DNAH12: variants seen among roughly 807,000 people sequenced by gnomAD.
DNAH12 encodes the protein dynein axonemal heavy chain 12, also known as axonemal beta dynein heavy chain 12.
Under a neutral mutation model 371.5 loss-of-function variants are expected in DNAH12, and 285 were observed. The observed-to-expected ratio is 0.77, with a 90% CI of 0.70 to 0.85. The LOEUF (loss-of-function observed/expected upper bound fraction) is 0.85, where lower values mean the gene tolerates loss of function less well. Among genes scored for constraint, DNAH12 ranks in the 40% least tolerant of loss-of-function variants. The probability of loss-of-function intolerance (pLI) is 0.00; values close to 1 mark genes in which losing one functional copy is unlikely to be tolerated. For missense variants in DNAH12, 3,611 were observed against 3,689.4 expected, an observed-to-expected ratio of 0.98 and a Z score of 0.55; for synonymous variants, 1,200 against 1,213.0, an observed-to-expected ratio of 0.99 and a Z score of 0.22.
rs573115774 is a variant in DNAH12, at chr3:57,455,176, T to C, written c.3337-282A>G. On this transcript the variant is annotated intron_variant, in intron 22 of 73. Transcript: ENST00000495027. ...CTGGAAGTTGATTTCTGTGTGATTTTTATGTTCCTTTGCTGTGGAGAGTTG... is the reference window on the plus strand; with the variant it reads ...CTGGAAGTTGATTTCTGTGTGATTTCTATGTTCCTTTGCTGTGGAGAGTTG... Among the ~76,000 whole-genome samples the C allele has an allele frequency of 2.0e-5, 3 of 152,202 alleles. No homozygotes were observed. The South Asian group carries it at 6.2e-4, about 32-fold the overall frequency.
At chr3:57,390,624 A>G (rs2063604051) in intron 45 of DNAH12, among the ~76,000 whole-genome samples, 2 of 150,708 alleles carry the variant, frequency 1.3e-5, no homozygotes, top group Non-Finnish European at 3.0e-5. Flanking sequence ...TCCACATTCT[A>G]TTGGGCATAA....
At chr3:57,435,373 C>CAAAAAAAAAAAAAA (rs34515598) in intron 30 of DNAH12, among the ~76,000 whole-genome samples, 11 of 94,742 alleles carry the variant, frequency 1.2e-4, no homozygotes, top group South Asian at 3.7e-4. Flanking sequence ...CTCTGTCTCC[C>CAAAAAAAAAAAAAA]AAAAAAAAAA....
chr3:57,447,638 G>C (rs933995986), intron 25 of DNAH12, among the ~76,000 whole-genome samples: 1 of 151,906 alleles, frequency 6.6e-6, no homozygotes, highest in Non-Finnish European at 1.5e-5. Flanking sequence ...AAGAGAGACA[G>C]CTAGTGTAAA....
intron 4 of DNAH12, 52 bp from the exon 5 acceptor site, chr3:57,511,031 G>GT (rs1575709587): frequency 7.2e-6 from 10 of 1,386,964 alleles, no homozygotes; most frequent in Non-Finnish European, 9.7e-6. Flanking sequence ...TCATTTCAGT[G>GT]TAACTCCTGA....
chr3:57,520,152 G>T (rs1388750919), intron 4 of DNAH12: 2 of 411,044 alleles, frequency 4.9e-6, no homozygotes, highest in East Asian at 1.0e-4. Flanking sequence ...CGCTCTTGTC[G>T]CCCAGACTGG....
intron 38 of DNAH12, 141 bp from the exon 39 acceptor site, chr3:57,414,053 G>T: frequency 7.7e-6 from 6 of 783,200 alleles, no homozygotes; most frequent in South Asian, 2.0e-5. Context: ...ATTACTATTT[G>T]CTTAATTTAT....
At chr3:57,426,983 T>A (rs970338576) in intron 34 of DNAH12, among the ~76,000 whole-genome samples, 1 of 152,170 alleles carries the variant, frequency 6.6e-6, no homozygotes, top group African/African-American at 2.4e-5. Context: ...GTCTATTTTC[T>A]CTATGAAGAC....
intron 60 of DNAH12, among the ~76,000 whole-genome samples, chr3:57,339,882 C>T (rs1306026161): frequency 6.6e-6 from 1 of 152,070 alleles, no homozygotes; most frequent in Admixed American, 6.6e-5. Context: ...CCAACCTGGG[C>T]AACATGGCAA....
chr3:57,542,932 A>G, intron 1 of DNAH12, 29 bp from the exon 2 acceptor site: 2 of 1,458,490 alleles, frequency 1.4e-6, no homozygotes, highest in South Asian at 1.6e-5. Context: ...TAAAGCCATT[A>G]TTATGTCAGC....
In DNAH12 at chr3:57,508,531, A is replaced by ATC; in HGVS notation, c.550_551dup (p.Asp184GlufsTer29). On this transcript the variant is annotated frameshift_variant, in exon 7 of 74. Coordinates refer to ENST00000495027, the MANE Select transcript of DNAH12 (RefSeq NM_001366028.2). LOFTEE classifies it high-confidence loss of function. ...AGCTAGAATGCCAAGGATTAGAATAATCTAGGCCTCTGGAAAAGCAAAACA... is the reference window on the plus strand; with the variant it reads ...AGCTAGAATGCCAAGGATTAGAATAATCTCTAGGCCTCTGGAAAAGCAAAACA... 1 of 1,608,010 alleles carries ATC rather than the reference A, an allele frequency of 6.2e-7. No homozygotes were observed. Among genetic ancestry groups the ATC allele is most frequent in the Non-Finnish European group, 8.5e-7 (1 of 1,178,670 alleles).
At chr3:57,321,431 G>C (rs1207600941) in intron 65 of DNAH12, among the ~76,000 whole-genome samples, 1 of 152,074 alleles carries the variant, frequency 6.6e-6, no homozygotes, top group Non-Finnish European at 1.5e-5. Context: ...TGAGGGCAGG[G>C]GATGATTTTC....
Position 57,502,457 on chromosome 3 carries a change from C to T in DNAH12, c.1109G>A (p.Trp370Ter). 6.2e-7 allele frequency: 1 copy of T among 1,613,982 alleles called. No individual in the cohort carries two copies. Among genetic ancestry groups the T allele is most frequent in the Non-Finnish European group, 8.5e-7 (1 of 1,179,974 alleles). ...TACTGGTGTTGAAGTTCCTGATAGC[C>T]AAGAGGGGATTGTTTGGACATTCTA... is the stretch of plus-strand genomic sequence containing the variant. Reference protein sequence around the residue: ...ALQNVQTIPSWLSGTSTPVNL... With the variant: ...ALQNVQTIPS Residue 370 changes from tryptophan (W) to a stop codon, truncating the protein, a stop_gained, in exon 10 of 74, where the codon TGG becomes TAG. Transcript: ENST00000495027. LOFTEE classifies it high-confidence loss of function.
At chr3:57,371,734 A>G (rs942095750) in intron 55 of DNAH12, among the ~76,000 whole-genome samples, 1 of 150,930 alleles carries the variant, frequency 6.6e-6, no homozygotes, top group Non-Finnish European at 1.5e-5. Flanking sequence ...ACTGCTGAAA[A>G]CTAAAGACAG....
intron 8 of DNAH12, among the ~76,000 whole-genome samples, 178 bp from the exon 9 acceptor site, chr3:57,504,382 T>C (rs575335995): frequency 1.2e-3 from 176 of 150,578 alleles, no homozygotes; most frequent in African/African-American, 4.0e-3. Context: ...TGTGTATACA[T>C]ACATGCACAC....
intron 69 of DNAH12, among the ~76,000 whole-genome samples, chr3:57,307,427 G>C (rs745594179): frequency 5.3e-5 from 8 of 152,144 alleles, no homozygotes; most frequent in Admixed American, 1.3e-4. Context: ...GGGCTGTGCA[G>C]TCAGAATTCT....
chr3:57,477,099 C>T (rs886170178), intron 13 of DNAH12, among the ~76,000 whole-genome samples: 20 of 152,122 alleles, frequency 1.3e-4, no homozygotes, highest in Non-Finnish European at 7.4e-5. Context: ...GTGCAGCGCA[C>T]TGAGCATGAG....
At chr3:57,485,407 CT>C (rs57235396) in intron 12 of DNAH12, among the ~76,000 whole-genome samples, 2,192 of 149,306 alleles carry the variant, frequency 0.015, 63 homozygotes, top group African/African-American at 0.05. Context: ...GGCCATTATT[CT>C]TTTTTTTTTT....
intron 11 of DNAH12, among the ~76,000 whole-genome samples, chr3:57,494,308 T>G: frequency 6.6e-6 from 1 of 151,758 alleles, no homozygotes; most frequent in East Asian, 2.0e-4. Flanking sequence ...ATCCTGGCAC[T>G]TTAGGAGGCC....
upstream of DNAH12, among the ~76,000 whole-genome samples, chr3:57,544,990 AT>A (rs574394355): frequency 0.037 from 5,239 of 142,412 alleles, 235 homozygotes; most frequent in African/African-American, 0.11. Context: ...TTGCTACGTA[AT>A]TTTTTTTTTT....
Sources: allele counts gnomAD v4.1 joint callset (sites outside exome capture counted in the v4.1 genomes callset), GRCh38; gene constraint gnomAD v4.1.1; transcripts MANE v1.5; gene names NCBI Gene and HGNC (gene_info 2026-07-23, HGNC 2026-07-21).